Variants in DNAJC7 observed in about 807,000 individuals in gnomAD.
DNAJC7 encodes the protein DnaJ heat shock protein family (Hsp40) member C7.
DNAJC7 carries 18 observed loss-of-function variants against 67.4 expected under a neutral mutation model. That is an observed-to-expected ratio of 0.27 (90% confidence interval 0.18 to 0.40). DNAJC7 has a LOEUF of 0.40. Ranked by LOEUF, DNAJC7 falls within the 10% of genes least tolerant of loss-of-function variation. DNAJC7 has a pLI of 1.00. For missense variants in DNAJC7, 419 were observed against 613.8 expected (o/e 0.68, Z 3.35); for synonymous variants, 220 against 207.8 (o/e 1.06, Z -0.50).
chr17:41,982,170 C>T lies in DNAJC7; in HGVS notation c.1231+85G>A, dbSNP rs2051267143. On this transcript the variant is annotated intron_variant, in intron 11 of 13. Transcript: ENST00000457167. ...CTTATTCTCAGCTGAAGGACCTCTC[C>T]AAGGGGTCCCCTCTGGACTGAGTGT... 5 of 1,571,848 alleles carry T rather than the reference C, an allele frequency of 3.2e-6. No homozygotes were observed. In the South Asian group the frequency reaches 6.0e-5, roughly 19 times the overall value.
At chr17:42,009,709 A>T (rs1211599113) in intron 1 of DNAJC7, among the ~76,000 whole-genome samples, 2 of 152,222 alleles carry the variant, frequency 1.3e-5, no homozygotes, top group African/African-American at 4.8e-5. Context: ...CTGGCTTTTC[A>T]GCATTAGCCA....
intron 5 of DNAJC7, among the ~76,000 whole-genome samples, chr17:41,992,151 T>C (rs1215015807): frequency 6.6e-6 from 1 of 152,174 alleles, no homozygotes; most frequent in African/African-American, 2.4e-5. Flanking sequence ...AGGTTTACTG[T>C]CCTGAAAGTT....
rs568519615 is a variant in DNAJC7, at chr17:42,012,688, C to T, written c.77+4652G>A. ...AATGTGAAACATCTGAAGTTTAACC[C>T]TCTGGCTCATAAATAGCTTTGCCTG... On this transcript the variant is annotated intron_variant, in intron 1 of 13. Coordinates refer to ENST00000457167, the MANE Select transcript of DNAJC7 (RefSeq NM_003315.4). Among the ~76,000 whole-genome samples, 10 of 152,328 alleles carry T rather than the reference C, an allele frequency of 6.6e-5. No homozygotes were observed. In the South Asian group the frequency reaches 1.4e-3, roughly 22 times the overall value.
At chr17:41,994,969 A>C in intron 4 of DNAJC7, 25 bp from the exon 5 acceptor site, 2 of 1,603,520 alleles carry the variant, frequency 1.2e-6, no homozygotes, top group Non-Finnish European at 1.7e-6. Context: ...CAGACATAGG[A>C]AAGTTTTAAT....
chr17:41,996,347 T>A lies in DNAJC7; in HGVS notation c.369A>T (p.Leu123=). 1 of 1,614,024 alleles carries A rather than the reference T, an allele frequency of 6.2e-7. No homozygotes were observed. The highest frequency in any genetic ancestry group is 8.5e-7 in the Non-Finnish European group (1 of 1,179,898). Residue 123 remains leucine (L), a synonymous_variant, in exon 4 of 14, where the codon CTA becomes CTT. Transcript: ENST00000457167. ...CCTGAGCATTTTTATGATCCAGTTCTAGGGCTCTCTGGAAGCTGCGACATG... is the reference window on the plus strand; with the variant it reads ...CCTGAGCATTTTTATGATCCAGTTCAAGGGCTCTCTGGAAGCTGCGACATG... ...MAACRSFQRA[L]ELDHKNAQAQ...
chr17:41,988,813 G>A lies in DNAJC7; in HGVS notation c.837C>T (p.Tyr279=). 4 of 1,613,808 alleles carry A rather than the reference G, an allele frequency of 2.5e-6. No individual in the cohort carries two copies. The highest frequency in any genetic ancestry group is 3.4e-6 in the Non-Finnish European group (4 of 1,179,826). Residue 279 remains tyrosine, a synonymous_variant, in exon 8 of 14, where the codon TAC becomes TAT. Coordinates refer to ENST00000457167, the MANE Select transcript of DNAJC7 (RefSeq NM_003315.4). ...EGNYKLAYEL[Y]TEALGIDPNN... is the part of the protein sequence containing the mutation. ...TGGGGTCTATCCCCAGGGCTTCTGT[G>A]TACAGTTCATATGCTAGTTTGTAAT...
intron 1 of DNAJC7, among the ~76,000 whole-genome samples, chr17:42,008,808 A>G (rs972563015): frequency 4.0e-5 from 6 of 151,752 alleles, no homozygotes; most frequent in Non-Finnish European, 5.9e-5. Flanking sequence ...CCCAGGTTCA[A>G]GTGATTCTCC....
chr17:41,996,709 A>C (rs2051668532), intron 3 of DNAJC7, among the ~76,000 whole-genome samples: 1 of 152,200 alleles, frequency 6.6e-6, no homozygotes, highest in Non-Finnish European at 1.5e-5. Context: ...CTGGAGGCTG[A>C]GGCAGGAGAA....
At chr17:42,004,647 C>T (rs782550272) in intron 1 of DNAJC7, among the ~76,000 whole-genome samples, 2 of 152,216 alleles carry the variant, frequency 1.3e-5, no homozygotes, top group Non-Finnish European at 2.9e-5. Flanking sequence ...ACAGGATCAG[C>T]ACACTGGAAG....
chr17:42,011,270 T>G (rs1189623369), intron 1 of DNAJC7: 1 of 152,198 alleles, frequency 6.6e-6, no homozygotes, highest in African/African-American at 2.4e-5. Context: ...AAATACAAAC[T>G]TCAATGACTA....
intron 1 of DNAJC7, among the ~76,000 whole-genome samples, chr17:42,004,914 A>C (rs2143299018): frequency 6.6e-6 from 1 of 152,220 alleles, no homozygotes; most frequent in East Asian, 1.9e-4. Context: ...AGTCCCAACT[A>C]CTTGGGAGGC....
rs529038216 is a variant in DNAJC7 at position 41,976,533 on chromosome 17, G to A, written c.*200C>T. ...ACAAGCTGCCTCCCTGTCCACCCCC[G>A]CCTCCCTCCCCTGCCCTCGGTCTTC... On this transcript the variant is annotated 3_prime_UTR_variant, in exon 14 of 14. Transcript: ENST00000457167. 55 of 388,436 alleles carry A rather than the reference G, an allele frequency of 1.4e-4. No homozygotes were observed. Among genetic ancestry groups the A allele is most frequent in the East Asian group, 9.9e-4 (14 of 14,110 alleles). The allele number at this position is 388,436 out of a possible 1,614,324, so 24.1% of individuals were successfully genotyped here.
chr17:41,983,734 C>T, intron 9 of DNAJC7, 98 bp from the exon 10 acceptor site: 1 of 1,034,224 alleles, frequency 9.7e-7, no homozygotes, highest in Non-Finnish European at 1.4e-6. Flanking sequence ...GCAAGAGACA[C>T]ACACTTCTGG....
chr17:42,008,688 G>T (rs1277309885), intron 1 of DNAJC7, among the ~76,000 whole-genome samples: 1 of 152,094 alleles, frequency 6.6e-6, no homozygotes, highest in East Asian at 1.9e-4. Flanking sequence ...GGGATTACAG[G>T]CGTGAGCCAC....
At chr17:41,989,365 G>A (rs2051457131) in intron 7 of DNAJC7, 39 bp downstream of exon 7, 4 of 1,605,540 alleles carry the variant, frequency 2.5e-6, no homozygotes, top group Non-Finnish European at 3.4e-6. Flanking sequence ...GTCCCAAAAG[G>A]AAGCTCTTTC....
At chr17:42,005,752 T>C (rs1246103886) in intron 1 of DNAJC7, among the ~76,000 whole-genome samples, 1 of 152,132 alleles carries the variant, frequency 6.6e-6, no homozygotes, top group Non-Finnish European at 1.5e-5. Context: ...GTTTTTTCTT[T>C]TTTTTTGAGA....
intron 9 of DNAJC7, 118 bp from the exon 10 acceptor site, chr17:41,983,754 T>C: frequency 1.3e-6 from 1 of 776,898 alleles, no homozygotes; most frequent in Non-Finnish European, 2.0e-6. Context: ...GTAAGATGCT[T>C]CAGAAACAGG....
chr17:41,996,974 C>G, intron 3 of DNAJC7, 141 bp downstream of exon 3: 2 of 1,323,746 alleles, frequency 1.5e-6, no homozygotes, highest in South Asian at 2.9e-5. Context: ...GCTAAACAAC[C>G]CACAGTGCAC....
At chr17:41,993,187 T>C (rs781790920) in intron 5 of DNAJC7, among the ~76,000 whole-genome samples, 17 of 152,200 alleles carry the variant, frequency 1.1e-4, no homozygotes, top group East Asian at 1.9e-4. Flanking sequence ...AGGCCAGGCG[T>C]GGTGGCTCAC....
Sources: allele counts gnomAD v4.1 joint callset (sites outside exome capture counted in the v4.1 genomes callset), GRCh38; gene constraint gnomAD v4.1.1; transcripts MANE v1.5; gene names NCBI Gene and HGNC (gene_info 2026-07-23, HGNC 2026-07-21).